The following ZNF496 variants were observed in gnomAD, a reference collection of about 807,000 sequenced individuals.
The protein encoded by ZNF496 is NSD1 (nuclear receptor binding SET-domain containing 1)-interacting zinc finger protein 1.
Under a neutral mutation model 58.9 loss-of-function variants are expected in ZNF496, and 11 were observed. The ratio of observed to expected loss-of-function variants is 0.19; its 90% confidence interval spans 0.12 to 0.31. The LOEUF is 0.31. Ranked by LOEUF, ZNF496 falls within the 10% of genes least tolerant of loss-of-function variation. The pLI, the probability that ZNF496 is intolerant of heterozygous loss-of-function variation, is 1.00. For synonymous variants in ZNF496, 338 were observed against 318.2 expected, an observed-to-expected ratio of 1.06 and a Z score of -0.66; for missense variants, 660 against 783.0, an observed-to-expected ratio of 0.84 and a Z score of 1.88.
At chr1:247,301,433 C>T (rs1659233878) in intron 9 of ZNF496, among the ~76,000 whole-genome samples, 157 bp from the exon 10 acceptor site, 1 of 152,214 alleles carries the variant, frequency 6.6e-6, no homozygotes, top group Non-Finnish European at 1.5e-5. Context: ...GCAGGGGCCA[C>T]TGGTGTAGCC....
In ZNF496 at chr1:247,329,831, C is replaced by T. The variant is rs74906279; in HGVS notation, c.-38+135G>A. ...ATCAGTACCATTACGTGTGGATTCC[C>T]GTTAAGTGGGTGACTGGATGAACAA... On this transcript the variant is annotated intron_variant, in intron 3 of 9. Coordinates refer to ENST00000682384, the MANE Select transcript of ZNF496 (RefSeq NM_032752.3). The surrounding 1 kb of genome is among the most constrained non-coding windows in gnomAD (Gnocchi z 5.5). The T allele has an allele frequency of 3.3e-3, 1,360 of 418,236 alleles. 3 individuals carry two copies. Among genetic ancestry groups the T allele is most frequent in the Middle Eastern group, 5.5e-3 (9 of 1,648 alleles). The allele number at this position is 418,236 out of a possible 1,614,324, so 25.9% of individuals were successfully genotyped here.
rs10924987 is a variant in ZNF496 at position 247,327,841 on chromosome 1, C to T, written c.574+842G>A. Among the ~76,000 whole-genome samples, 565 of 86,158 alleles carry T rather than the reference C, an allele frequency of 6.6e-3. 4 individuals carry two copies. Among genetic ancestry groups the T allele is most frequent in the East Asian group, 0.023 (37 of 1,642 alleles). 56.5% of individuals were successfully genotyped at this position (86,158 alleles called of 152,430 possible). ...TGGCCCCCCAGACACTCTCTTTCCA[C>T]TGTACATATAAAGCACCGTGGCAAG... On this transcript the variant is annotated intron_variant, in intron 5 of 9. Transcript: ENST00000682384.
Position 247,308,438 on chromosome 1 carries a change from A to C in ZNF496, c.1006+37T>G. ...CATTCATGCGACACACCACAGACAC[A>C]CAGGGACAAACCCATACCTCCCTGA... On this transcript the variant is annotated intron_variant, in intron 9 of 9. Transcript: ENST00000682384. This position sits in a 1 kb window ranked among gnomAD's most constrained non-coding sequence, Gnocchi z 4.5. 1 of 1,579,334 alleles carries C rather than the reference A, an allele frequency of 6.3e-7. No homozygotes were observed. The highest frequency in any genetic ancestry group is 8.7e-7 in the Non-Finnish European group (1 of 1,148,662).
intron 5 of ZNF496, among the ~76,000 whole-genome samples, chr1:247,326,806 G>A (rs552971536): frequency 1.3e-5 from 2 of 152,270 alleles, no homozygotes; most frequent in Admixed American, 1.3e-4. Flanking sequence ...GTACTTATAA[G>A]AAGAGGAGAT....
Position 247,310,604 on chromosome 1 carries a change from C to T in ZNF496, c.652-148G>A, listed in dbSNP as rs774307876. 4.3e-5 allele frequency: 45 copies of T among 1,047,918 alleles called. 1 individual carries two copies. Among genetic ancestry groups the T allele is most frequent in the South Asian group, 3.4e-4 (20 of 59,584 alleles). 64.9% of individuals were successfully genotyped at this position (1,047,918 alleles called of 1,614,324 possible). ...GTTCCTCACAGTTCTGGAGGCTGGACGTCCAAGATCAAGGTGCCAGCAGGC... is the reference window on the plus strand; with the variant it reads ...GTTCCTCACAGTTCTGGAGGCTGGATGTCCAAGATCAAGGTGCCAGCAGGC... On this transcript the variant is annotated intron_variant, in intron 6 of 9. Transcript: ENST00000682384.
Position 247,300,683 on chromosome 1 carries a change from G to A in ZNF496, c.1600C>T (p.His534Tyr), listed in dbSNP as rs746569928. Residue 534 changes from histidine to tyrosine, a missense_variant, in exon 10 of 10, where the codon CAC becomes TAC. His to Tyr is a moderately conservative substitution (Grantham distance 83). Transcript: ENST00000682384. This position sits in a 1 kb window ranked among gnomAD's most constrained non-coding sequence, Gnocchi z 5.7. ...CCECGKAFQR[H>Y]DHLARHRSHF... ...CTGCGGTGCCGAGCCAGGTGGTCGT[G>A]CCGCTGGAAGGCCTTCCCACACTCA... 2 of 1,614,036 alleles carry A rather than the reference G, an allele frequency of 1.2e-6. No individual in the cohort carries two copies. Among genetic ancestry groups the A allele is most frequent in the South Asian group, 2.2e-5 (2 of 91,084 alleles).
chr1:247,323,612 A>C (rs1001872540), intron 5 of ZNF496, among the ~76,000 whole-genome samples: 1 of 152,104 alleles, frequency 6.6e-6, no homozygotes, highest in South Asian at 2.1e-4. Context: ...TGGGAAAATA[A>C]AGGTTAAAAC....
Position 247,300,784 on chromosome 1 carries a change from G to C in ZNF496, c.1499C>G (p.Ala500Gly). 10 of 1,601,844 alleles carry C rather than the reference G, an allele frequency of 6.2e-6. No homozygotes were observed. Among genetic ancestry groups the C allele is most frequent in the South Asian group, 1.1e-5 (1 of 89,810 alleles). ...RLQPVEKREQ[A>G]ASEDADKGPK... ...ACCCTTGTCCGCGTCCTCGGATGCC[G>C]CCTGCTCTCTCTTCTCCACCGGCTG... Residue 500 changes from alanine (A) to glycine (G), a missense_variant, in exon 10 of 10, where the codon GCG becomes GGG. By Grantham distance (60) the Ala-to-Gly change is moderately conservative. Coordinates refer to ENST00000682384, the MANE Select transcript of ZNF496 (RefSeq NM_032752.3). This position sits in a 1 kb window ranked among gnomAD's most constrained non-coding sequence, Gnocchi z 5.7.
At chr1:247,322,633 C>G in intron 6 of ZNF496, 1 of 1,093,564 alleles carries the variant, frequency 9.1e-7, no homozygotes, top group Non-Finnish European at 1.2e-6. Flanking sequence ...TCAGAGCACC[C>G]GAGTAAGCAA....
chr1:247,317,032 A>C (rs539361706), intron 6 of ZNF496, among the ~76,000 whole-genome samples: 18 of 152,268 alleles, frequency 1.2e-4, no homozygotes, highest in African/African-American at 4.3e-4. Context: ...ACATTTTGTT[A>C]ATTTTTCACG....
At chr1:247,310,594 G>A in intron 6 of ZNF496, 138 bp from the exon 7 acceptor site, 1 of 1,162,502 alleles carries the variant, frequency 8.6e-7, no homozygotes, top group Non-Finnish European at 1.2e-6. Flanking sequence ...TCACAGTTCT[G>A]GAGGCTGGAC....
chr1:247,302,739 C>A (rs961292422), intron 9 of ZNF496, among the ~76,000 whole-genome samples: 1 of 152,138 alleles, frequency 6.6e-6, no homozygotes, highest in African/African-American at 2.4e-5. Context: ...ATCTCGTCTA[C>A]AAGGTGAGAA....
chr1:247,329,283 T>C lies in ZNF496; in HGVS notation c.296A>G (p.Gln99Arg). 1 of 1,613,632 alleles carries C rather than the reference T, an allele frequency of 6.2e-7. No individual in the cohort carries two copies. Among genetic ancestry groups the C allele is most frequent in the Non-Finnish European group, 8.5e-7 (1 of 1,179,990 alleles). ...QFLAILPREIQSWVRAQEPES... is the reference protein window; with the variant it reads ...QFLAILPREIRSWVRAQEPES... ...AGGCTCCTGCGCCCGCACCCAGCTC[T>C]GGATCTCCCGGGGCAGGATGGCCAG... Residue 99 changes from glutamine to arginine, a missense_variant, in exon 4 of 10, where the codon CAG becomes CGG. Transcript: ENST00000682384. This position sits in a 1 kb window ranked among gnomAD's most constrained non-coding sequence, Gnocchi z 5.5.
At position 247,310,304 on chromosome 1, in the gene ZNF496, G is replaced by T; in HGVS notation, c.784+20C>A. The T allele has an allele frequency of 1.9e-6, 3 of 1,613,784 alleles. No individual in the cohort carries two copies. Among genetic ancestry groups the T allele is most frequent in the Non-Finnish European group, 1.7e-6 (2 of 1,179,922 alleles). On this transcript the variant is annotated intron_variant, in intron 7 of 9. Transcript: ENST00000682384. Reference sequence around the variant, plus strand: ...GCCCAGTTCCCTGGTCTTGAGGTGTGGGGGGAAGTTAAGTCTTACTTGGAG... The same window carrying T: ...GCCCAGTTCCCTGGTCTTGAGGTGTTGGGGGAAGTTAAGTCTTACTTGGAG...
At chr1:247,331,114 C>T (rs981745192) in intron 2 of ZNF496, among the ~76,000 whole-genome samples, 4 of 152,098 alleles carry the variant, frequency 2.6e-5, no homozygotes, top group Admixed American at 1.3e-4. Context: ...GGCCCGCCCC[C>T]CCGAGCACCG....
intron 5 of ZNF496, among the ~76,000 whole-genome samples, chr1:247,326,121 TAC>T (rs1477751229): frequency 1.3e-5 from 2 of 149,138 alleles, no homozygotes; most frequent in African/African-American, 4.9e-5. Context: ...CACATATATA[TAC>T]ATACATATAT....
chr1:247,308,598 G>A lies in ZNF496; in HGVS notation c.893-10C>T, dbSNP rs762440121. 10 of 1,611,816 alleles carry A rather than the reference G, an allele frequency of 6.2e-6. No individual in the cohort carries two copies. The South Asian group carries it at 1.1e-4, about 18-fold the overall frequency. On this transcript the variant is annotated splice_polypyrimidine_tract_variant and intron_variant, in intron 8 of 9. Transcript: ENST00000682384. This position sits in a 1 kb window ranked among gnomAD's most constrained non-coding sequence, Gnocchi z 4.5. ...TGGAGACTTGGAGAGTCTTTCCAGA[G>A]GAGGAAATGGAAAAATTGATTTGTT...
intron 6 of ZNF496, 51 bp downstream of exon 6, chr1:247,323,103 C>T (rs1558156787): frequency 1.4e-6 from 2 of 1,476,878 alleles, no homozygotes; most frequent in Non-Finnish European, 1.9e-6. Context: ...TGCCCTGTAG[C>T]CTACAGAGGC....
Position 247,308,063 on chromosome 1 carries a change from G to A in ZNF496, c.1006+412C>T, listed in dbSNP as rs1363028743. On this transcript the variant is annotated intron_variant, in intron 9 of 9. Transcript: ENST00000682384. This position sits in a 1 kb window ranked among gnomAD's most constrained non-coding sequence, Gnocchi z 4.5. ...AAAAACACTCACTGCATCACCAACAGCACTACAGCAGCACCCTGCTTTGAC... is the reference window on the plus strand; with the variant it reads ...AAAAACACTCACTGCATCACCAACAACACTACAGCAGCACCCTGCTTTGAC... 1.0e-6 allele frequency: 1 copy of A among 968,326 alleles called. No individual in the cohort carries two copies. Among genetic ancestry groups the A allele is most frequent in the Non-Finnish European group, 1.2e-6 (1 of 814,492 alleles). The allele number at this position is 968,326 out of a possible 1,614,324, so 60.0% of individuals were successfully genotyped here. A position where few individuals can be genotyped will look rare whatever the true frequency, so the allele number is the denominator to read the frequency against.
Sources: gnomAD v4.1 joint callset for allele counts (sites outside exome capture counted in the v4.1 genomes callset) on GRCh38, gnomAD v4.1.1 for gene constraint, Gnocchi (gnomAD v3.1) non-coding constraint, MANE v1.5 for transcripts, NCBI Gene and HGNC (gene_info 2026-07-23, HGNC 2026-07-21) for gene names.